Variants in P3H2 observed in about 807,000 individuals in gnomAD.
P3H2 encodes leprecan-like 1.
P3H2 carries 80 observed loss-of-function variants against 87.0 expected under a neutral mutation model. That is an observed-to-expected ratio of 0.92 (90% confidence interval 0.77 to 1.11). P3H2 has a LOEUF of 1.11. Among genes scored for constraint, P3H2 ranks in the 50% least tolerant of loss-of-function variants. The pLI is 0.00. For synonymous variants in P3H2, 367 were observed against 359.3 expected (o/e 1.02, Z -0.24); for missense variants, 1,001 against 923.9 (o/e 1.08, Z -1.08).
chr3:190,114,462 A>G (rs1712212558), intron 1 of P3H2, among the ~76,000 whole-genome samples: 1 of 152,132 alleles, frequency 6.6e-6, no homozygotes, highest in Non-Finnish European at 1.5e-5. Flanking sequence ...CTGGGATTAC[A>G]GGCTTGAACC....
chr3:189,958,388 C>T (rs1722703504), intron 14 of P3H2, among the ~76,000 whole-genome samples: 1 of 152,304 alleles, frequency 6.6e-6, no homozygotes, highest in African/African-American at 2.4e-5. Flanking sequence ...CACCTATTTG[C>T]CTTAAAAGCC....
At chr3:190,074,353 T>C (rs544064757) in intron 1 of P3H2, among the ~76,000 whole-genome samples, 2 of 151,748 alleles carry the variant, frequency 1.3e-5, no homozygotes, top group Admixed American at 6.6e-5. Flanking sequence ...CTATTAAAAA[T>C]ACAAAAAATT....
At chr3:190,080,690 C>T (rs1311562262) in intron 1 of P3H2, among the ~76,000 whole-genome samples, 1 of 152,144 alleles carries the variant, frequency 6.6e-6, no homozygotes, top group Non-Finnish European at 1.5e-5. Context: ...GTGTGAGCCA[C>T]CGCGCCCAGC....
intron 1 of P3H2, among the ~76,000 whole-genome samples, chr3:189,999,772 T>C (rs2108927364): frequency 6.6e-6 from 1 of 152,270 alleles, no homozygotes; most frequent in Non-Finnish European, 1.5e-5. Flanking sequence ...ATGAAGATGG[T>C]ATTGACGTTT....
chr3:190,047,059 A>C (rs1560377948), intron 1 of P3H2, among the ~76,000 whole-genome samples: 1 of 152,136 alleles, frequency 6.6e-6, no homozygotes, highest in Non-Finnish European at 1.5e-5. Context: ...AAAAACAAAT[A>C]ATCTGATCTA....
intron 1 of P3H2, among the ~76,000 whole-genome samples, chr3:189,999,281 A>G (rs1233713659): frequency 6.6e-6 from 1 of 152,178 alleles, no homozygotes; most frequent in African/African-American, 2.4e-5. Flanking sequence ...AGATACTACA[A>G]TCTATAAAAA....
chr3:189,971,671 C>T (rs919403931), intron 12 of P3H2: 11 of 535,854 alleles, frequency 2.1e-5, no homozygotes, highest in Middle Eastern at 1.0e-3. Flanking sequence ...ACAAAATGGA[C>T]ATTTTGTGAA....
At chr3:190,115,304 T>C (rs1306742381) in intron 1 of P3H2, among the ~76,000 whole-genome samples, 1 of 151,842 alleles carries the variant, frequency 6.6e-6, no homozygotes, top group African/African-American at 2.4e-5. Flanking sequence ...AAAACAAAGG[T>C]CAAATGGAAC....
intron 5 of P3H2, 45 bp downstream of exon 5, chr3:189,987,479 TAAA>T (rs551936985): frequency 2.2e-3 from 3,056 of 1,394,564 alleles, no homozygotes; most frequent in Middle Eastern, 3.3e-3. Flanking sequence ...AACTCTGTCT[TAAA>T]AAAAAAAAAA....
At chr3:190,066,158 T>TATACACACACACACACACAC (rs1256956930) in intron 1 of P3H2, among the ~76,000 whole-genome samples, 19 of 134,620 alleles carry the variant, frequency 1.4e-4, no homozygotes, top group African/African-American at 5.9e-4. Context: ...TATATATATA[T>TATACACACACACACACACAC]ACACACACAC....
chr3:190,094,782 T>C (rs1220632648), intron 1 of P3H2, among the ~76,000 whole-genome samples: 1 of 152,212 alleles, frequency 6.6e-6, no homozygotes, highest in Non-Finnish European at 1.5e-5. Context: ...CTGTTCATCC[T>C]GTAAAGGAAG....
chr3:190,107,795 A>T (rs1023508758), intron 1 of P3H2, among the ~76,000 whole-genome samples: 1 of 152,204 alleles, frequency 6.6e-6, no homozygotes, highest in Non-Finnish European at 1.5e-5. Context: ...ATTTCTTTCA[A>T]GCCTCAGAAT....
chr3:190,027,524 A>G (rs1315216733), intron 1 of P3H2, among the ~76,000 whole-genome samples: 1 of 152,146 alleles, frequency 6.6e-6, no homozygotes, highest in African/African-American at 2.4e-5. Flanking sequence ...AGAGGTCATT[A>G]ATTAAACTAT....
intron 1 of P3H2, among the ~76,000 whole-genome samples, chr3:190,022,675 T>C (rs1324142921): frequency 1.3e-5 from 1 of 78,750 alleles, no homozygotes; most frequent in Non-Finnish European, 3.1e-5. Context: ...GCAGATAATA[T>C]CAATAATGAA....
chr3:189,972,799 T>TG, intron 11 of P3H2, 75 bp downstream of exon 11: 5 of 1,485,484 alleles, frequency 3.4e-6, no homozygotes, highest in Non-Finnish European at 4.7e-6. Context: ...ACCATGCTGT[T>TG]GAGCTTTGTT....
intron 1 of P3H2, among the ~76,000 whole-genome samples, chr3:190,000,612 T>G (rs1201596037): frequency 6.6e-6 from 1 of 152,208 alleles, no homozygotes; most frequent in Non-Finnish European, 1.5e-5. Flanking sequence ...ATGTAATTTT[T>G]GAGCTGAGAC....
chr3:189,983,690 G>C (rs765439040), intron 7 of P3H2, among the ~76,000 whole-genome samples: 1 of 152,114 alleles, frequency 6.6e-6, no homozygotes, highest in African/African-American at 2.4e-5. Flanking sequence ...TGCCACCCAA[G>C]GGTTGAGTTT....
intron 2 of P3H2, among the ~76,000 whole-genome samples, chr3:189,994,745 A>T: frequency 6.8e-6 from 1 of 146,382 alleles, no homozygotes; most frequent in African/African-American, 2.5e-5. Context: ...GAGAATGGTG[A>T]TGTCAAAAAT....
rs777268250 is a variant in P3H2 at position 189,995,361 on chromosome 3, T to C, written c.562A>G (p.Ile188Val). ...CCAGCTGTCGCCCTGTAATTCTCAA[T>C]GTTCTGCTGCATTTCCATGTGCTCA... The part of the protein sequence containing the change: ...NPEHMEMQQN[I>V]ENYRATAGVE... Residue 188 changes from isoleucine (I) to valine (V), a missense_variant, in exon 2 of 15, where the codon ATT becomes GTT. Transcript: ENST00000319332. 4 of 1,614,012 alleles carry C rather than the reference T, an allele frequency of 2.5e-6. No homozygotes were observed. Among genetic ancestry groups the C allele is most frequent in the South Asian group, 1.1e-5 (1 of 91,090 alleles).
Sources: allele counts gnomAD v4.1 joint callset (sites outside exome capture counted in the v4.1 genomes callset), GRCh38; gene constraint gnomAD v4.1.1; transcripts MANE v1.5; gene names NCBI Gene and HGNC (gene_info 2026-07-23, HGNC 2026-07-21).